KDSR: variants seen among roughly 807,000 people sequenced by gnomAD.
The protein encoded by KDSR is 3-ketodihydrosphingosine reductase.
KDSR carries 23 observed loss-of-function variants against 41.3 expected under a neutral mutation model. That is an observed-to-expected ratio of 0.56 (90% CI 0.40 to 0.79). The LOEUF (loss-of-function observed/expected upper bound fraction) is 0.79. Among genes scored for constraint, KDSR ranks in the 30% least tolerant of loss-of-function variants. KDSR has a pLI of 0.00. For synonymous variants in KDSR, 138 were observed against 151.7 expected (o/e 0.91, Z 0.66); for missense variants, 351 against 416.8 (o/e 0.84, Z 1.37).
intron 6 of KDSR, among the ~76,000 whole-genome samples, chr18:63,348,711 CTT>C (rs901657181): frequency 1.5e-4 from 23 of 152,128 alleles, no homozygotes; most frequent in Non-Finnish European, 4.4e-5. Flanking sequence ...TCTTTTTCCT[CTT>C]TTTTAGCATC....
At chr18:63,363,001 C>T (rs1465433705) in intron 1 of KDSR, 133 bp from the exon 2 acceptor site, 1 of 612,960 alleles carries the variant, frequency 1.6e-6, no homozygotes, top group Non-Finnish European at 2.9e-6. Context: ...TTAACTTCTT[C>T]ATCCCAAACT....
chr18:63,355,570 A>C lies in KDSR; in HGVS notation c.256-7T>G. On this transcript the variant is annotated splice_polypyrimidine_tract_variant and splice_region_variant and intron_variant, in intron 3 of 9. Coordinates refer to ENST00000645214, the MANE Select transcript of KDSR (RefSeq NM_002035.4). ...CTGATATGCAAAGCACCACCTGTTA[A>C]AAAAGAAAAAAAGTGATCAAAGTTT... is the stretch of plus-strand genomic sequence containing the variant. 6.4e-7 allele frequency: 1 copy of C among 1,561,746 alleles called. No individual in the cohort carries two copies. Among genetic ancestry groups the C allele is most frequent in the Non-Finnish European group, 8.6e-7 (1 of 1,162,192 alleles).
At chr18:63,362,699 G>T in intron 2 of KDSR, 80 bp downstream of exon 2, 1 of 918,250 alleles carries the variant, frequency 1.1e-6, no homozygotes, top group Non-Finnish European at 1.8e-6. Context: ...AGGTGTGAAT[G>T]CTAAGATGTT....
rs544038141 is a variant in KDSR at position 63,365,298 on chromosome 18, A to C, written c.108+1713T>G. On this transcript the variant is annotated intron_variant, in intron 1 of 9. Transcript: ENST00000645214. The stretch of plus-strand genomic sequence containing the variant: ...TTGTTTTAAAAATGAAACAATTGTT[A>C]TAAGTTTGTTCTTAATTATGTATGG... 2.6e-5 allele frequency among the ~76,000 whole-genome samples: 4 copies of C among 152,356 alleles called. No homozygotes were observed. In the South Asian group the frequency reaches 8.3e-4, roughly 32 times the overall value.
intron 2 of KDSR, 132 bp from the exon 3 acceptor site, chr18:63,359,924 A>G: frequency 1.5e-6 from 1 of 685,318 alleles, no homozygotes; most frequent in East Asian, 2.7e-5. Context: ...AACAGTATCT[A>G]CATTGCATAG....
At chr18:63,355,740 G>T (rs962209345) in intron 3 of KDSR, among the ~76,000 whole-genome samples, 177 bp from the exon 4 acceptor site, 1 of 152,206 alleles carries the variant, frequency 6.6e-6, no homozygotes, top group African/African-American at 2.4e-5. Context: ...GCAGCTTTTG[G>T]AGTTAAAACT....
chr18:63,352,792 A>T (rs185135535), intron 5 of KDSR, among the ~76,000 whole-genome samples: 1 of 152,206 alleles, frequency 6.6e-6, no homozygotes, highest in Non-Finnish European at 1.5e-5. Context: ...ACAGAAGATC[A>T]TAAGTGACTG....
intron 1 of KDSR, among the ~76,000 whole-genome samples, chr18:63,363,224 T>C (rs1915043066): frequency 6.8e-6 from 1 of 147,592 alleles, no homozygotes; most frequent in Non-Finnish European, 1.5e-5. Flanking sequence ...TTTTTCTTTT[T>C]TTTTTTTTTA....
Position 63,355,233 on chromosome 18 carries a change from A to G in KDSR, c.388T>C (p.Phe130Leu), listed in dbSNP as rs1286567059. ...NCAGMAVSGK[F>L]EDLEVSTFER... is the part of the protein sequence containing the mutation. ...AAGGTACTAACTTCAAGATCTTCAA[A>G]TTTTCCTGACACTGCCATTCCTGCA... The change falls in exon 5 of 10, where the codon TTT (phenylalanine) becomes CTT (leucine). Residue 130 changes from phenylalanine (F) to leucine (L), a missense_variant. Physicochemically the swap from Phe to Leu is conservative, Grantham distance 22. Coordinates refer to ENST00000645214, the MANE Select transcript of KDSR (RefSeq NM_002035.4). 1.2e-6 allele frequency: 2 copies of G among 1,613,966 alleles called. No individual in the cohort carries two copies. The highest frequency in any genetic ancestry group is 2.2e-5 in the South Asian group (2 of 91,074).
intron 3 of KDSR, among the ~76,000 whole-genome samples, chr18:63,357,767 G>A (rs1421269613): frequency 2.0e-5 from 3 of 151,630 alleles, no homozygotes; most frequent in Non-Finnish European, 2.9e-5. Context: ...AGTAGAGACA[G>A]GGTTTCACCA....
At chr18:63,349,266 T>C (rs1288168415) in intron 6 of KDSR, among the ~76,000 whole-genome samples, 1 of 152,006 alleles carries the variant, frequency 6.6e-6, no homozygotes, top group Non-Finnish European at 1.5e-5. Flanking sequence ...ACTTGTGGTC[T>C]TAGCTACTTG....
At chr18:63,338,258 C>T (rs376055355) in intron 8 of KDSR, among the ~76,000 whole-genome samples, 1 of 152,132 alleles carries the variant, frequency 6.6e-6, no homozygotes, top group South Asian at 2.1e-4. Flanking sequence ...TGCATTTTTC[C>T]GCATTAACAG....
At chr18:63,342,213 C>T (rs1370763309) in intron 7 of KDSR, among the ~76,000 whole-genome samples, 2 of 150,524 alleles carry the variant, frequency 1.3e-5, no homozygotes, top group South Asian at 4.2e-4. Flanking sequence ...AAGGCATTTT[C>T]AGACATGTTG....
intron 6 of KDSR, among the ~76,000 whole-genome samples, chr18:63,346,965 T>G (rs980425777): frequency 2.0e-5 from 3 of 152,032 alleles, no homozygotes; most frequent in Non-Finnish European, 2.9e-5. Flanking sequence ...AAAATGAGGG[T>G]AGGCTGGCTT....
At chr18:63,338,740 T>G (rs1394180829) in intron 8 of KDSR, 60 bp downstream of exon 8, 10 of 1,110,038 alleles carry the variant, frequency 9.0e-6, no homozygotes, top group Non-Finnish European at 1.3e-5. Flanking sequence ...TGGACAAATA[T>G]CTTTTCAGAA....
chr18:63,353,012 CAAA>C (rs56105152), intron 5 of KDSR, among the ~76,000 whole-genome samples: 19 of 116,156 alleles, frequency 1.6e-4, no homozygotes, highest in Admixed American at 1.8e-4. Context: ...ACTAAAAATA[CAAA>C]AAAAAAAAAA....
chr18:63,351,846 C>T (rs140703927), intron 5 of KDSR, among the ~76,000 whole-genome samples: 30 of 152,134 alleles, frequency 2.0e-4, no homozygotes, highest in African/African-American at 7.0e-4. Context: ...TGCAATGGTG[C>T]AACCTTGGCT....
At chr18:63,342,076 C>T (rs555645875) in intron 7 of KDSR, among the ~76,000 whole-genome samples, 46 of 147,956 alleles carry the variant, frequency 3.1e-4, no homozygotes, top group African/African-American at 1.0e-3. Context: ...GGCTGAGGCA[C>T]GAGAATCTCT....
chr18:63,365,398 C>G (rs1915105608), intron 1 of KDSR, among the ~76,000 whole-genome samples: 1 of 152,236 alleles, frequency 6.6e-6, no homozygotes, highest in East Asian at 1.9e-4. Context: ...AGAACAATTA[C>G]ACTTTTCACT....
Sources: allele counts gnomAD v4.1 joint callset (sites outside exome capture counted in the v4.1 genomes callset), GRCh38; gene constraint gnomAD v4.1.1; transcripts MANE v1.5; gene names NCBI Gene and HGNC (gene_info 2026-07-23, HGNC 2026-07-21).